OR1B1: variants seen among roughly 807,000 people sequenced by gnomAD.
OR1B1 encodes olfactory receptor family 1 subfamily B member 1, also known as olfactory receptor 1B1.
For missense variants in OR1B1, 414 were observed against 402.1 expected (o/e 1.03, Z -0.25); for synonymous variants, 168 against 156.2 (o/e 1.08, Z -0.57).
chr9:122,647,593 C>A, the OR1B1 span, among the ~76,000 whole-genome samples: 7 of 152,112 alleles, frequency 4.6e-5, no homozygotes, highest in East Asian at 1.2e-3. Flanking sequence ...GAAAATAATA[C>A]AAAAGATCAA....
the OR1B1 span, among the ~76,000 whole-genome samples, chr9:122,637,586 G>C: frequency 8.5e-3 from 1,297 of 152,294 alleles, 21 homozygotes; most frequent in African/African-American, 0.03. Flanking sequence ...GGTAAATGCA[G>C]TCTTCTCTTT....
the OR1B1 span, among the ~76,000 whole-genome samples, chr9:122,652,621 G>A: frequency 1.3e-5 from 2 of 151,716 alleles, no homozygotes; most frequent in South Asian, 4.2e-4. Context: ...CATTCATTAG[G>A]GCTTAGAATT....
At chr9:122,630,400 C>T (rs541303608), upstream of OR1B1, among the ~76,000 whole-genome samples, 10 of 152,324 alleles carry the variant, frequency 6.6e-5, no homozygotes, top group African/African-American at 2.2e-4. Context: ...CCAATCATTC[C>T]TTAACGTCTA....
chr9:122,651,031 A>C, the OR1B1 span, among the ~76,000 whole-genome samples: 1 of 152,140 alleles, frequency 6.6e-6, no homozygotes, highest in East Asian at 1.9e-4. Flanking sequence ...TCTCAAAAAA[A>C]AAAAATGGTT....
At chr9:122,639,443 T>C in the OR1B1 span, among the ~76,000 whole-genome samples, 1 of 152,130 alleles carries the variant, frequency 6.6e-6, no homozygotes, top group Non-Finnish European at 1.5e-5. Flanking sequence ...CATATCACAA[T>C]GTATTTATAC....
the OR1B1 span, among the ~76,000 whole-genome samples, chr9:122,636,618 A>AAAATAAAT: frequency 3.9e-5 from 6 of 152,078 alleles, no homozygotes; most frequent in African/African-American, 1.5e-4. Context: ...CTCTGTCTCA[A>AAAATAAAT]AAATAAATAA....
At position 122,628,677 on chromosome 9, in the gene OR1B1, T is replaced by C. The variant is rs1292680940; in HGVS notation, c.859A>G (p.Ile287Val). The C allele has an allele frequency of 3.1e-6, 5 of 1,613,914 alleles. No individual in the cohort carries two copies. The African/African-American group carries it at 6.7e-5, about 22-fold the overall frequency. ...ACAAATGGGTTGGCCAAAGGTGTAA[T>C]GGCAGTATACATTACTGAAGCCACC... The change falls in exon 1 of 1, where the codon ATT becomes GTT. Residue 287 changes from isoleucine (I) to valine (V), a missense_variant. Physicochemically the swap from Ile to Val is conservative, Grantham distance 29. Transcript: ENST00000623530.
At chr9:122,644,866 C>A in the OR1B1 span, among the ~76,000 whole-genome samples, 26 of 152,190 alleles carry the variant, frequency 1.7e-4, no homozygotes, top group Admixed American at 1.5e-3. Flanking sequence ...CTACCTGATT[C>A]TTCAATGCCC....
chr9:122,652,798 A>T, the OR1B1 span, among the ~76,000 whole-genome samples: 1 of 152,182 alleles, frequency 6.6e-6, no homozygotes. Context: ...CCCTCATTAT[A>T]TTATCTATCT....
chr9:122,633,079 C>T (rs1156661923), upstream of OR1B1, among the ~76,000 whole-genome samples: 1 of 152,110 alleles, frequency 6.6e-6, no homozygotes, highest in Non-Finnish European at 1.5e-5. Context: ...CAGACCTGCA[C>T]CCATGATTCA....
exon 1 of OR1B1, chr9:122,629,461 G>C (rs1830182503): frequency 6.2e-7 from 1 of 1,612,128 alleles, no homozygotes; most frequent in African/African-American, 1.3e-5. Flanking sequence ...GGAGAGTGTA[G>C]GAGATGTTAG....
chr9:122,631,209 T>A (rs1458912490), upstream of OR1B1, among the ~76,000 whole-genome samples: 1 of 150,462 alleles, frequency 6.6e-6, no homozygotes, highest in African/African-American at 2.4e-5. Context: ...CGGAATCTCG[T>A]TCTGTCGCCC....
exon 1 of OR1B1, chr9:122,629,457 T>A (rs763945859): frequency 1.2e-6 from 2 of 1,611,696 alleles, no homozygotes; most frequent in African/African-American, 2.7e-5. Flanking sequence ...AAGAGGAGAG[T>A]GTAGGAGATG....
chr9:122,629,476 C>G lies in OR1B1; in HGVS notation c.60G>C (p.Ser20=), dbSNP rs199948095. ...GGAGAGTGTAGGAGATGTTAGCTCT[C>G]GAGAACCCAAGGAGCAAAAAAACCG... Residue 20 remains serine (S), a synonymous_variant, in exon 1 of 1, where the codon TCG becomes TCC. Transcript: ENST00000623530. 1.9e-6 allele frequency: 3 copies of G among 1,593,084 alleles called. No homozygotes were observed. The South Asian group carries it at 3.3e-5, about 18-fold the overall frequency.
At chr9:122,644,548 G>A in the OR1B1 span, among the ~76,000 whole-genome samples, 155 of 152,308 alleles carry the variant, frequency 1.0e-3, no homozygotes, top group African/African-American at 3.3e-3. Flanking sequence ...ACCCTGAAGG[G>A]AAGGCCCTTG....
chr9:122,646,200 C>T, the OR1B1 span, among the ~76,000 whole-genome samples: 2 of 151,054 alleles, frequency 1.3e-5, no homozygotes, highest in African/African-American at 4.9e-5. Flanking sequence ...AATGGATACA[C>T]AAAAAACGAA....
the OR1B1 span, among the ~76,000 whole-genome samples, chr9:122,644,157 G>GCT: frequency 0.016 from 2,436 of 152,256 alleles, 63 homozygotes; most frequent in African/African-American, 0.055. Context: ...TCAGGCTATT[G>GCT]GGGTCTCTGG....
At chr9:122,644,368 C>T in the OR1B1 span, among the ~76,000 whole-genome samples, 2 of 152,234 alleles carry the variant, frequency 1.3e-5, no homozygotes, top group East Asian at 1.9e-4. Flanking sequence ...GAAGAAGTTC[C>T]TCTGCCTGCC....
At chr9:122,635,594 A>G in the OR1B1 span, among the ~76,000 whole-genome samples, 4 of 152,210 alleles carry the variant, frequency 2.6e-5, no homozygotes, top group Admixed American at 2.0e-4. Context: ...TGTTGTAACC[A>G]TTTCACTATG....
Sources: gnomAD v4.1 joint callset for allele counts (sites outside exome capture counted in the v4.1 genomes callset) on GRCh38, gnomAD v4.1.1 for gene constraint, MANE v1.5 for transcripts, NCBI Gene and HGNC (gene_info 2026-07-23, HGNC 2026-07-21) for gene names.